The following ODF4 variants were observed in gnomAD, a reference collection of about 807,000 sequenced individuals.
ODF4 encodes outer dense fiber of sperm tails 4, also known as outer dense fiber protein 4.
ODF4 carries 11 observed loss-of-function variants against 17.0 expected under a neutral mutation model. The ratio of observed to expected loss-of-function variants is 0.65; its 90% CI spans 0.41 to 1.07. ODF4 has a LOEUF of 1.07. ODF4 is among the 50% of genes least tolerant of loss of function. ODF4 has a pLI of 0.00. For synonymous variants in ODF4, 127 were observed against 121.8 expected (o/e 1.04, Z -0.28); for missense variants, 281 against 310.2 (o/e 0.91, Z 0.71).
chr17:8,344,958 ACCATCTGGTTGCACCTGC>A (rs1906173161), intron 1 of ODF4: 2 of 1,015,358 alleles, frequency 2.0e-6, no homozygotes, highest in African/African-American at 3.5e-5. Context: ...CCTCGTCCTC[ACCATCTGGTTGCACCTGC>A]CCTACCTGCC....
Position 8,345,281 on chromosome 17 carries a change from G to C in ODF4, c.455-62G>C. On this transcript the variant is annotated intron_variant, in intron 1 of 2. Transcript: ENST00000328248. This position sits in a 1 kb window ranked among gnomAD's most constrained non-coding sequence, Gnocchi z 4.1. ...GGTTTGTGGCTGTAGCCTAGCAGAT[G>C]AGGAAGAACCTCCTGTGGGACTCTT... The C allele has an allele frequency of 6.7e-7, 1 of 1,497,976 alleles. No individual in the cohort carries two copies. The highest frequency in any genetic ancestry group is 9.2e-7 in the Non-Finnish European group (1 of 1,088,888). The allele number at this position is 1,497,976 out of a possible 1,614,324, so 92.8% of individuals were successfully genotyped here.
Position 8,345,032 on chromosome 17 carries a change from C to T in ODF4, c.455-311C>T, listed in dbSNP as rs1818613737. 1 of 1,096,738 alleles carries T rather than the reference C, an allele frequency of 9.1e-7. No individual in the cohort carries two copies. Among genetic ancestry groups the T allele is most frequent in the African/African-American group, 1.6e-5 (1 of 60,738 alleles). 67.9% of individuals were successfully genotyped at this position (1,096,738 alleles called of 1,614,324 possible). On this transcript the variant is annotated intron_variant, in intron 1 of 2. Coordinates refer to ENST00000328248, the MANE Select transcript of ODF4 (RefSeq NM_153007.5). This position sits in a 1 kb window ranked among gnomAD's most constrained non-coding sequence, Gnocchi z 4.1. Reference sequence around the variant, plus strand: ...TTGTGGGCTTCGGGACCATCTTGAGCTTCTGTGAAGGTGCCTCCTAGCTCT... The same window carrying T: ...TTGTGGGCTTCGGGACCATCTTGAGTTTCTGTGAAGGTGCCTCCTAGCTCT...
chr17:8,341,692 C>T (rs1009295322), intron 1 of ODF4, among the ~76,000 whole-genome samples: 1 of 151,974 alleles, frequency 6.6e-6, no homozygotes, highest in African/African-American at 2.4e-5. Flanking sequence ...TATGCTGTTC[C>T]CTCACCCCTC....
At position 8,345,422 on chromosome 17, in the gene ODF4, C is replaced by T. The variant is rs949351942; in HGVS notation, c.534C>T (p.Pro178=). Residue 178 remains proline, a synonymous_variant, in exon 2 of 3, where the codon CCC becomes CCT. Transcript: ENST00000328248. This position sits in a 1 kb window ranked among gnomAD's most constrained non-coding sequence, Gnocchi z 4.1. ...AGTTGGAAAGGAATGTATCCATCCC[C>T]ATAGGCTGGAGCTATTTCATTGGTT... The part of the protein sequence containing the change: ...IFELERNVSI[P]IGWSYFIGWL... 2 of 1,612,538 alleles carry T rather than the reference C, an allele frequency of 1.2e-6. No homozygotes were observed. The highest frequency in any genetic ancestry group is 1.7e-5 in the Admixed American group (1 of 60,016).
In ODF4 at chr17:8,340,422, T is replaced by G. The variant is rs1331832022; in HGVS notation, c.371T>G (p.Ile124Ser). ...TGGCCCGTGGATGTCAGCAACAGAA[T>G]CCACACATCAGCCCACGTTATGTCC... ...QRWPVDVSNR[I>S]HTSAHVMSMG... The change falls in exon 1 of 3, where the codon ATC becomes AGC. Residue 124 changes from isoleucine to serine, a missense_variant. By Grantham distance (142) the Ile-to-Ser change is moderately radical (BLOSUM62 -2). Transcript: ENST00000328248. 6.2e-7 allele frequency: 1 copy of G among 1,613,804 alleles called. No homozygotes were observed. The highest frequency in any genetic ancestry group is 1.3e-5 in the African/African-American group (1 of 74,886).
intron 1 of ODF4, among the ~76,000 whole-genome samples, chr17:8,343,182 T>C (rs570816675): frequency 6.6e-6 from 1 of 150,970 alleles, no homozygotes; most frequent in South Asian, 2.1e-4. Flanking sequence ...CCCAGGTTGG[T>C]GTGCAGTGGC....
At position 8,340,203 on chromosome 17, in the gene ODF4, C is replaced by T. The variant is rs756403684; in HGVS notation, c.152C>T (p.Ser51Phe). Reference protein sequence around the residue: ...QDGRLLSSTLSLSSNRSLGQR... With the variant: ...QDGRLLSSTLFLSSNRSLGQR... ...GGGAGACTGCTGTCCTCCACCCTCTCCCTCAGTAGTAACAGGTCCTTGGGC... is the reference window on the plus strand; with the variant it reads ...GGGAGACTGCTGTCCTCCACCCTCTTCCTCAGTAGTAACAGGTCCTTGGGC... The change falls in exon 1 of 3, where the codon TCC becomes TTC. Residue 51 changes from serine (S) to phenylalanine (F), a missense_variant. Transcript: ENST00000328248. 1 of 1,612,478 alleles carries T rather than the reference C, an allele frequency of 6.2e-7. No individual in the cohort carries two copies. The highest frequency in any genetic ancestry group is 8.5e-7 in the Non-Finnish European group (1 of 1,178,928).
At chr17:8,342,350 A>C (rs56850853) in intron 1 of ODF4, among the ~76,000 whole-genome samples, 52,401 of 151,568 alleles carry the variant, frequency 0.35, 9,348 homozygotes, top group African/African-American at 0.45. Context: ...TCAAGCGATT[A>C]TCCTGCCTCA....
At chr17:8,340,635 T>G (rs1216502332) in intron 1 of ODF4, 130 bp downstream of exon 1, 7 of 614,868 alleles carry the variant, frequency 1.1e-5, no homozygotes, top group African/African-American at 1.8e-5. Flanking sequence ...ATGGTTCCAC[T>G]GGCACTGAGA....
At position 8,343,432 on chromosome 17, in the gene ODF4, C is replaced by T. The variant is rs1234611819; in HGVS notation, c.455-1911C>T. On this transcript the variant is annotated intron_variant, in intron 1 of 2. Coordinates refer to ENST00000328248, the MANE Select transcript of ODF4 (RefSeq NM_153007.5). ...ATAGGCGTGAGCCAGCACACCCAGC[C>T]GACATATTAATATCTCTGCAAAGAA... 3.9e-5 allele frequency among the ~76,000 whole-genome samples: 5 copies of T among 126,886 alleles called. 1 individual carries two copies. The highest frequency in any genetic ancestry group is 1.5e-4 in the Admixed American group (2 of 13,290). The allele number at this position is 126,886 out of a possible 152,430, so 83.2% of individuals were successfully genotyped here.
chr17:8,345,362 C>A lies in ODF4; in HGVS notation c.474C>A (p.Thr158=). Residue 158 remains threonine (T), a synonymous_variant, in exon 2 of 3, where the codon ACC becomes ACA. Transcript: ENST00000328248. The surrounding 1 kb of genome is among the most constrained non-coding windows in gnomAD (Gnocchi z 4.1). Reference sequence around the variant, plus strand: ...TCCTAGTCACCTTCATCTTCTCCACCCTCATGCTATTCCCCATTAACATCT... The same window carrying A: ...TCCTAGTCACCTTCATCTTCTCCACACTCATGCTATTCCCCATTAACATCT... ...ENGKVTFIFS[T]LMLFPINIWI... 2 of 1,613,806 alleles carry A rather than the reference C, an allele frequency of 1.2e-6. No homozygotes were observed. The highest frequency in any genetic ancestry group is 2.2e-5 in the South Asian group (2 of 91,058).
chr17:8,340,543 A>T (rs555970932), intron 1 of ODF4, 38 bp downstream of exon 1: 2 of 1,341,344 alleles, frequency 1.5e-6, no homozygotes, highest in African/African-American at 2.9e-5. Flanking sequence ...CCAGGCCGCC[A>T]GCCTGTCTTG....
chr17:8,340,639 A>C, intron 1 of ODF4, 134 bp downstream of exon 1: 1 of 611,248 alleles, frequency 1.6e-6, no homozygotes. Context: ...TTCCACTGGC[A>C]CTGAGACCTC....
At position 8,340,050 on chromosome 17, in the gene ODF4, A is replaced by C. The variant is rs749175207; in HGVS notation, c.-2A>C. The C allele has an allele frequency of 6.6e-7, 1 of 1,510,116 alleles. No homozygotes were observed. The highest frequency in any genetic ancestry group is 1.4e-5 in the South Asian group (1 of 73,870). The allele number at this position is 1,510,116 out of a possible 1,614,324, so 93.5% of individuals were successfully genotyped here. On this transcript the variant is annotated 5_prime_UTR_variant, in exon 1 of 3. Transcript: ENST00000328248. ...GAGACAGAGGGTGAAGTGGTGCTCA[A>C]GATGGATGCAGAGTACTCTGGGAAT...
In ODF4 at chr17:8,340,525, A is replaced by T. The variant is rs767830255; in HGVS notation, c.454+20A>T. The T allele has an allele frequency of 1.3e-5, 20 of 1,503,732 alleles. No homozygotes were observed. The Admixed American group carries it at 3.4e-4, about 26-fold the overall frequency. The allele number at this position is 1,503,732 out of a possible 1,614,324, so 93.1% of individuals were successfully genotyped here. A position where few individuals can be genotyped will look rare whatever the true frequency, so the allele number is the denominator to read the frequency against. ...GGAAAGGTGAGCCCCTCCACCCCCCATCCCAGCCCAGGCCGCCAGCCTGTC... is the reference window on the plus strand; with the variant it reads ...GGAAAGGTGAGCCCCTCCACCCCCCTTCCCAGCCCAGGCCGCCAGCCTGTC... On this transcript the variant is annotated intron_variant, in intron 1 of 2. Coordinates refer to ENST00000328248, the MANE Select transcript of ODF4 (RefSeq NM_153007.5).
At position 8,345,767 on chromosome 17, in the gene ODF4, A is replaced by T. The variant is rs1906223105; in HGVS notation, c.689A>T (p.Glu230Val). 2.5e-6 allele frequency: 4 copies of T among 1,614,094 alleles called. No homozygotes were observed. The change falls in exon 3 of 3, where the codon GAA (glutamate) becomes GTA (valine). Residue 230 changes from glutamate (E) to valine (V), a missense_variant. Physicochemically the swap from Glu to Val is moderately radical, Grantham distance 121. Coordinates refer to ENST00000328248, the MANE Select transcript of ODF4 (RefSeq NM_153007.5). This position sits in a 1 kb window ranked among gnomAD's most constrained non-coding sequence, Gnocchi z 4.1. Reference protein sequence around the residue: ...SCSSSFGSVEESPRAQTITDT... With the variant: ...SCSSSFGSVEVSPRAQTITDT... ...AGCAGCAGTTTCGGCTCAGTAGAAG[A>T]ATCTCCAAGGGCACAGACGATCACA...
chr17:8,343,047 A>G (rs1597476574), intron 1 of ODF4, among the ~76,000 whole-genome samples: 3 of 151,994 alleles, frequency 2.0e-5, no homozygotes, highest in South Asian at 2.1e-4. Flanking sequence ...ACCTATCACC[A>G]TTTTAAATGA....
At chr17:8,341,654 C>T (rs2151656645) in intron 1 of ODF4, among the ~76,000 whole-genome samples, 1 of 152,162 alleles carries the variant, frequency 6.6e-6, no homozygotes, top group East Asian at 1.9e-4. Flanking sequence ...GCCACCACAC[C>T]TGGTTCTTAT....
At position 8,339,993 on chromosome 17, in the gene ODF4, GAA is replaced by G. The variant is rs1905937975; in HGVS notation, c.-58_-57del. 2.7e-6 allele frequency: 3 copies of G among 1,128,328 alleles called. No homozygotes were observed. In the East Asian group the frequency reaches 7.3e-5, roughly 27 times the overall value. 69.9% of individuals were successfully genotyped at this position (1,128,328 alleles called of 1,614,324 possible). On this transcript the variant is annotated 5_prime_UTR_variant, in exon 1 of 3. It removes the in-frame stop codon of an upstream open reading frame in the 5' UTR. Transcript: ENST00000328248. ...GCTGATGAAAATATCCAAAAGATGA[GAA>G]GAGACAATTGAGTCTGGTGAGGGAA... is the stretch of plus-strand genomic sequence containing the variant.
Sources: gnomAD v4.1 joint callset for allele counts (sites outside exome capture counted in the v4.1 genomes callset) on GRCh38, gnomAD v4.1.1 for gene constraint, Gnocchi (gnomAD v3.1) non-coding constraint, MANE v1.5 for transcripts, NCBI Gene and HGNC (gene_info 2026-07-23, HGNC 2026-07-21) for gene names.